Variants in ADRA1B observed in about 807,000 individuals in gnomAD.
ADRA1B encodes the protein alpha-1B adrenergic receptor.
ADRA1B carries 17 observed loss-of-function variants against 17.9 expected under a neutral mutation model. That is an observed-to-expected ratio of 0.95 (90% confidence interval 0.65 to 1.42). The LOEUF (loss-of-function observed/expected upper bound fraction) is 1.42. ADRA1B is among the 40% of genes most tolerant of loss of function. The pLI is 0.00. For synonymous variants in ADRA1B, 366 were observed against 327.6 expected (o/e 1.12, Z -1.27); for missense variants, 681 against 722.1 (o/e 0.94, Z 0.65).
At chr5:159,894,424 A>G (rs1187045497) in intron 1 of ADRA1B, among the ~76,000 whole-genome samples, 1 of 151,630 alleles carries the variant, frequency 6.6e-6, no homozygotes, top group African/African-American at 2.4e-5. Flanking sequence ...AATCCAGGCC[A>G]GCACATCAGA....
chr5:159,987,350 C>G, the ADRA1B span, among the ~76,000 whole-genome samples: 1 of 152,232 alleles, frequency 6.6e-6, no homozygotes, highest in Admixed American at 6.5e-5. Context: ...CGCGGCGTCT[C>G]CAGCAGAGCG....
chr5:159,903,367 C>T lies in ADRA1B; in HGVS notation c.-255-12752C>T, dbSNP rs1030119827. Among the ~76,000 whole-genome samples, 15 of 152,172 alleles carry T rather than the reference C, an allele frequency of 9.9e-5. 1 individual carries two copies. Among genetic ancestry groups the T allele is most frequent in the Admixed American group, 5.2e-4 (8 of 15,280 alleles). On this transcript the variant is annotated intron_variant, in intron 1 of 2. Coordinates refer to the ADRA1B transcript ENST00000641205. ...CTCTGTCCATGTGAAGCCTAAATGACGCAATATACTAAACTGCTTAGCATA... is the reference window on the plus strand; with the variant it reads ...CTCTGTCCATGTGAAGCCTAAATGATGCAATATACTAAACTGCTTAGCATA...
At chr5:159,878,358 A>G (rs1753824044) in intron 1 of ADRA1B, among the ~76,000 whole-genome samples, 1 of 152,198 alleles carries the variant, frequency 6.6e-6, no homozygotes, top group Admixed American at 6.5e-5. Flanking sequence ...AGCTCCAGGA[A>G]CACACTTGAG....
At chr5:159,903,152 C>T (rs1464417431) in intron 1 of ADRA1B, among the ~76,000 whole-genome samples, 1 of 152,188 alleles carries the variant, frequency 6.6e-6, no homozygotes. Flanking sequence ...AACCAGCATC[C>T]TGTCCCTCTA....
intron 1 of ADRA1B, among the ~76,000 whole-genome samples, chr5:159,964,692 C>G (rs1433412874): frequency 6.6e-6 from 1 of 152,164 alleles, no homozygotes; most frequent in Non-Finnish European, 1.5e-5. Context: ...ACAATTTTAG[C>G]AGGTTCAGGA....
intron 1 of ADRA1B, among the ~76,000 whole-genome samples, chr5:159,964,923 A>T (rs1755746398): frequency 6.6e-6 from 1 of 152,172 alleles, no homozygotes; most frequent in Non-Finnish European, 1.5e-5. Context: ...GGTACTTACC[A>T]AGCCTGAGCT....
At chr5:159,974,652 T>A (rs973821818), downstream of ADRA1B, among the ~76,000 whole-genome samples, 47 of 144,200 alleles carry the variant, frequency 3.3e-4, no homozygotes, top group African/African-American at 1.2e-3. Flanking sequence ...AAAAAAAAAA[T>A]CCTAGGAAGC....
At chr5:159,982,004 A>G in the ADRA1B span, among the ~76,000 whole-genome samples, 3 of 152,246 alleles carry the variant, frequency 2.0e-5, no homozygotes, top group East Asian at 1.9e-4. Context: ...CCAAAGTTAC[A>G]TAAGGTGATT....
At chr5:159,914,951 A>G (rs989091218), upstream of ADRA1B, among the ~76,000 whole-genome samples, 2 of 152,216 alleles carry the variant, frequency 1.3e-5, no homozygotes, top group Non-Finnish European at 2.9e-5. Flanking sequence ...TCAGGAATCA[A>G]CTGACTCTCT....
intron 1 of ADRA1B, among the ~76,000 whole-genome samples, chr5:159,959,995 C>T (rs1401753707): frequency 2.0e-5 from 3 of 152,192 alleles, no homozygotes. Context: ...GTTCCATACA[C>T]TCACAGCTTC....
intron 1 of ADRA1B, among the ~76,000 whole-genome samples, chr5:159,958,642 C>G (rs1459395689): frequency 2.0e-5 from 3 of 152,170 alleles, no homozygotes; most frequent in African/African-American, 4.8e-5. Context: ...ACAACAAAAA[C>G]AACAACAACA....
intron 1 of ADRA1B, among the ~76,000 whole-genome samples, chr5:159,933,615 C>G (rs771871580): frequency 1.3e-5 from 2 of 152,180 alleles, no homozygotes; most frequent in Non-Finnish European, 2.9e-5. Flanking sequence ...GCTAGCTGCC[C>G]TGTTGGGATG....
chr5:159,903,290 T>C (rs1448370837), intron 1 of ADRA1B, among the ~76,000 whole-genome samples: 1 of 152,216 alleles, frequency 6.6e-6, no homozygotes, highest in Non-Finnish European at 1.5e-5. Flanking sequence ...CCCTGTGTCT[T>C]AGTCCTTCCC....
At chr5:159,942,201 C>T (rs1290023864) in intron 1 of ADRA1B, among the ~76,000 whole-genome samples, 4 of 151,970 alleles carry the variant, frequency 2.6e-5, no homozygotes, top group Non-Finnish European at 4.4e-5. Context: ...GGATTACAGG[C>T]GTGAGCCGCC....
chr5:159,891,074 A>T (rs1351933912), intron 1 of ADRA1B, among the ~76,000 whole-genome samples: 1 of 152,128 alleles, frequency 6.6e-6, no homozygotes, highest in Non-Finnish European at 1.5e-5. Flanking sequence ...CCCCTCTAAG[A>T]TGGTAGCTAT....
chr5:159,903,656 G>A (rs548118102), intron 1 of ADRA1B, among the ~76,000 whole-genome samples: 2 of 152,190 alleles, frequency 1.3e-5, no homozygotes, highest in East Asian at 1.9e-4. Context: ...TGGGAAGGGC[G>A]GCCACATTCA....
chr5:159,939,308 T>A (rs1581051197), intron 1 of ADRA1B, among the ~76,000 whole-genome samples: 3 of 141,380 alleles, frequency 2.1e-5, no homozygotes, highest in African/African-American at 8.0e-5. Flanking sequence ...TGTGTGTGTG[T>A]GTGTGTGTGT....
intron 1 of ADRA1B, among the ~76,000 whole-genome samples, chr5:159,944,139 C>G (rs1008974370): frequency 6.6e-6 from 1 of 152,132 alleles, no homozygotes; most frequent in African/African-American, 2.4e-5. Context: ...TCCTTCTGAA[C>G]CTTTCATGCA....
intron 1 of ADRA1B, among the ~76,000 whole-genome samples, chr5:159,911,412 T>C (rs1441994181): frequency 1.3e-5 from 2 of 152,146 alleles, no homozygotes; most frequent in African/African-American, 4.8e-5. Context: ...ACCCTGTGCC[T>C]TCACACCCCA....
Sources: allele counts gnomAD v4.1 joint callset (sites outside exome capture counted in the v4.1 genomes callset), GRCh38; gene constraint gnomAD v4.1.1; transcripts MANE v1.5; gene names NCBI Gene and HGNC (gene_info 2026-07-23, HGNC 2026-07-21).